Variants in SLAIN2 observed in about 807,000 individuals in gnomAD.
SLAIN2 encodes SLAIN motif-containing protein 2.
SLAIN2 carries 31 observed loss-of-function variants against 56.6 expected under a neutral mutation model. The ratio of observed to expected loss-of-function variants is 0.55; its 90% CI spans 0.41 to 0.74. SLAIN2 has a LOEUF of 0.74. Among genes scored for constraint, SLAIN2 ranks in the 30% least tolerant of loss-of-function variants. The pLI, the probability that SLAIN2 is intolerant of heterozygous loss-of-function variation, is 0.00. For synonymous variants in SLAIN2, 317 were observed against 284.9 expected (o/e 1.11, Z -1.13); for missense variants, 777 against 754.2 (o/e 1.03, Z -0.35).
intron 6 of SLAIN2, among the ~76,000 whole-genome samples, chr4:48,395,537 C>A (rs1447776290): frequency 1.3e-5 from 2 of 151,796 alleles, no homozygotes; most frequent in Non-Finnish European, 2.9e-5. Context: ...TGTTTTTGCA[C>A]TGATTTCTTG....
intron 5 of SLAIN2, among the ~76,000 whole-genome samples, chr4:48,383,128 A>G (rs1716013253): frequency 1.4e-5 from 2 of 147,142 alleles, no homozygotes; most frequent in Admixed American, 1.4e-4. Flanking sequence ...TGATCACACC[A>G]TTACACTCCA....
chr4:48,383,930 G>C, intron 6 of SLAIN2, 146 bp downstream of exon 6: 1 of 781,054 alleles, frequency 1.3e-6, no homozygotes, highest in Non-Finnish European at 1.9e-6. Context: ...TTTATTAGTT[G>C]CTGGATGATA....
intron 5 of SLAIN2, among the ~76,000 whole-genome samples, chr4:48,383,398 G>T (rs1716020834): frequency 6.6e-6 from 1 of 151,896 alleles, no homozygotes; most frequent in Admixed American, 6.6e-5. Context: ...GTTTTATGAA[G>T]TTACCTGTAT....
rs984827058 is a variant in SLAIN2, at chr4:48,425,907, T to C, written c.*3830T>C. 1 of 152,222 alleles carries C rather than the reference T, an allele frequency of 6.6e-6. No homozygotes were observed. Among genetic ancestry groups the C allele is most frequent in the African/African-American group, 2.4e-5 (1 of 41,466 alleles). 9.4% of individuals were successfully genotyped at this position (152,222 alleles called of 1,614,324 possible). On this transcript the variant is annotated 3_prime_UTR_variant, in exon 8 of 8. Coordinates refer to ENST00000264313, the MANE Select transcript of SLAIN2 (RefSeq NM_020846.2). ...ACTGGTTAAAACTATGTTAACTGAA[T>C]GCTAGTTTGAAACAAATTATCTACA... is the stretch of plus-strand genomic sequence containing the variant.
Position 48,383,796 on chromosome 4 carries a change from T to C in SLAIN2, c.1360+12T>C, listed in dbSNP as rs767821605. ...TCAGGCTTCAGCCAGTAAGTATCCT[T>C]CTTATGCTTTCATGTATCAGTTATT... On this transcript the variant is annotated intron_variant, in intron 6 of 7. Transcript: ENST00000264313. 2 of 1,606,960 alleles carry C rather than the reference T, an allele frequency of 1.2e-6. No homozygotes were observed. The highest frequency in any genetic ancestry group is 2.2e-5 in the East Asian group (1 of 44,756).
intron 1 of SLAIN2, among the ~76,000 whole-genome samples, chr4:48,351,773 G>C (rs1715015398): frequency 6.6e-6 from 1 of 152,220 alleles, no homozygotes; most frequent in Non-Finnish European, 1.5e-5. Context: ...AAGCTTTCAA[G>C]GTGTTTAGAG....
chr4:48,341,903 C>T lies in SLAIN2; in HGVS notation c.164C>T (p.Ser55Phe). The T allele has an allele frequency of 6.6e-7, 1 of 1,510,068 alleles. No homozygotes were observed. Among genetic ancestry groups the T allele is most frequent in the East Asian group, 2.8e-5 (1 of 35,782 alleles). The allele number at this position is 1,510,068 out of a possible 1,614,324, so 93.5% of individuals were successfully genotyped here. The change falls in exon 1 of 8, where the codon TCC (serine) becomes TTC (phenylalanine). Residue 55 changes from serine (S) to phenylalanine (F), a missense_variant. Ser to Phe is a radical substitution (Grantham distance 155). Coordinates refer to ENST00000264313, the MANE Select transcript of SLAIN2 (RefSeq NM_020846.2). Reference protein sequence around the residue: ...GPGSPVRAGASIPSSGAASPR... With the variant: ...GPGSPVRAGAFIPSSGAASPR... ...GGCAGCCCGGTTCGGGCCGGCGCGT[C>T]CATTCCCTCCTCCGGCGCGGCGTCT... is the stretch of plus-strand genomic sequence containing the variant.
chr4:48,405,272 C>A (rs571013029), intron 6 of SLAIN2, among the ~76,000 whole-genome samples: 1 of 152,182 alleles, frequency 6.6e-6, no homozygotes, highest in Non-Finnish European at 1.5e-5. Flanking sequence ...TGACCCCTCC[C>A]CAAAAAGTAT....
chr4:48,375,683 C>T lies in SLAIN2; in HGVS notation c.539-2213C>T, dbSNP rs1341580124. Among the ~76,000 whole-genome samples, 3 of 152,200 alleles carry T rather than the reference C, an allele frequency of 2.0e-5. No homozygotes were observed. In the East Asian group the frequency reaches 5.8e-4, roughly 29 times the overall value. ...CCTACTAAATAGGTTTAGAAACCTACTAACTAGGTTTCAGACTTCTGAGCG... is the reference window on the plus strand; with the variant it reads ...CCTACTAAATAGGTTTAGAAACCTATTAACTAGGTTTCAGACTTCTGAGCG... On this transcript the variant is annotated intron_variant, in intron 2 of 7. Coordinates refer to ENST00000264313, the MANE Select transcript of SLAIN2 (RefSeq NM_020846.2).
intron 6 of SLAIN2, among the ~76,000 whole-genome samples, chr4:48,402,930 G>A (rs370939329): frequency 1.3e-5 from 2 of 152,200 alleles, no homozygotes; most frequent in East Asian, 1.9e-4. Context: ...TGATGTTGTC[G>A]TTGCTTTCTG....
At chr4:48,420,475 T>G in intron 7 of SLAIN2, 32 bp downstream of exon 7, 1 of 1,608,088 alleles carries the variant, frequency 6.2e-7, no homozygotes, top group South Asian at 1.1e-5. Context: ...TCAGCATTCT[T>G]GAGTGCCTGA....
intron 6 of SLAIN2, among the ~76,000 whole-genome samples, chr4:48,418,527 T>C (rs1018919185): frequency 2.0e-4 from 30 of 152,246 alleles, no homozygotes; most frequent in Admixed American, 1.8e-3. Context: ...ATAAATCTAT[T>C]TATATATTGC....
At chr4:48,359,971 T>C (rs181434230) in intron 1 of SLAIN2, among the ~76,000 whole-genome samples, 92 of 152,010 alleles carry the variant, frequency 6.1e-4, no homozygotes, top group African/African-American at 2.1e-3. Context: ...CTGACCAACG[T>C]GGTGAAACCC....
intron 6 of SLAIN2, among the ~76,000 whole-genome samples, chr4:48,385,955 T>A (rs1313782209): frequency 2.0e-5 from 3 of 151,578 alleles, no homozygotes; most frequent in African/African-American, 7.3e-5. Flanking sequence ...TTTTTTTTTT[T>A]AATTACCCAG....
rs36096623 is a variant in SLAIN2 at position 48,368,051 on chromosome 4, C to CTTTTTTTTTTTTTTTTTTTT, written c.390-1785_390-1784insTTTTTTTTTTTTTTTTTTTT. Among the ~76,000 whole-genome samples, 372 of 88,754 alleles carry CTTTTTTTTTTTTTTTTTTTT rather than the reference C, an allele frequency of 4.2e-3. 55 individuals carry two copies. The highest frequency in any genetic ancestry group is 6.4e-3 in the African/African-American group (120 of 18,726). 58.2% of individuals were successfully genotyped at this position (88,754 alleles called of 152,430 possible). On this transcript the variant is annotated intron_variant, in intron 1 of 7. Transcript: ENST00000264313. ...TTCACTGAACGTAGTGTTTTTGAGG[C>CTTTTTTTTTTTTTTTTTTTT]TTTTTTTTTTTTTGACAGTGTTGCT... is the stretch of plus-strand genomic sequence containing the variant.
chr4:48,370,837 AAAATTACTTATTTTGGCTTTATTATAG>A (rs1715644324), intron 2 of SLAIN2, among the ~76,000 whole-genome samples: 1 of 152,190 alleles, frequency 6.6e-6, no homozygotes, highest in East Asian at 1.9e-4. Flanking sequence ...CCATGTACTT[AAAATTACTTATTTTGGCTTTATTATAG>A]AAAACAGTAT....
At position 48,342,020 on chromosome 4, in the gene SLAIN2, C is replaced by T. The variant is rs1714722510; in HGVS notation, c.281C>T (p.Ala94Val). Residue 94 changes from alanine to valine, a missense_variant, in exon 1 of 8, where the codon GCC becomes GTC. Ala to Val is a moderately conservative substitution (Grantham distance 64, BLOSUM62 0). Transcript: ENST00000264313. ...ACGAGTAGCGAAGAGCTGCGGGACGCCACCTCCTTGCTAGCGGCGGGCGAG... is the reference window on the plus strand; with the variant it reads ...ACGAGTAGCGAAGAGCTGCGGGACGTCACCTCCTTGCTAGCGGCGGGCGAG... ...RRTSSEELRD[A>V]TSLLAAGEGG... 1 of 1,413,396 alleles carries T rather than the reference C, an allele frequency of 7.1e-7. No individual in the cohort carries two copies. Among genetic ancestry groups the T allele is most frequent in the South Asian group, 1.6e-5 (1 of 64,296 alleles). The allele number at this position is 1,413,396 out of a possible 1,614,324, so 87.6% of individuals were successfully genotyped here.
At chr4:48,403,185 G>A (rs1359521569) in intron 6 of SLAIN2, among the ~76,000 whole-genome samples, 2 of 152,156 alleles carry the variant, frequency 1.3e-5, no homozygotes, top group African/African-American at 4.8e-5. Flanking sequence ...TCAGGCAGTC[G>A]GGAGGAATGG....
intron 1 of SLAIN2, among the ~76,000 whole-genome samples, chr4:48,359,279 A>G (rs1715253781): frequency 6.6e-6 from 1 of 152,226 alleles, no homozygotes; most frequent in South Asian, 2.1e-4. Context: ...TACTCAGTGA[A>G]TAGGTAGAGG....
Sources: allele counts gnomAD v4.1 joint callset (sites outside exome capture counted in the v4.1 genomes callset), GRCh38; gene constraint gnomAD v4.1.1; transcripts MANE v1.5; gene names NCBI Gene and HGNC (gene_info 2026-07-23, HGNC 2026-07-21).